The following AGFG1 variants were observed in gnomAD, a reference collection of about 807,000 sequenced individuals.
The protein encoded by AGFG1 is arf-GAP domain and FG repeat-containing protein 1.
A neutral mutation model predicts 60.6 loss-of-function variants in AGFG1; 10 were observed. The ratio of observed to expected loss-of-function variants is 0.16; its 90% confidence interval spans 0.10 to 0.28. The LOEUF is 0.28. Ranked by LOEUF, AGFG1 falls within the 10% of genes least tolerant of loss-of-function variation. AGFG1 has a pLI of 1.00. For synonymous variants in AGFG1, 247 were observed against 242.9 expected (o/e 1.02, Z -0.16); for missense variants, 537 against 676.5 (o/e 0.79, Z 2.29).
chr2:227,478,684 A>T (rs1690362637), intron 1 of AGFG1, among the ~76,000 whole-genome samples: 1 of 152,206 alleles, frequency 6.6e-6, no homozygotes, highest in Non-Finnish European at 1.5e-5. Flanking sequence ...TTGCTGGCAC[A>T]TAAGGCTTTG....
At chr2:227,542,479 T>C (rs1231818733) in intron 10 of AGFG1, among the ~76,000 whole-genome samples, 2 of 152,232 alleles carry the variant, frequency 1.3e-5, no homozygotes, top group Non-Finnish European at 2.9e-5. Flanking sequence ...TTGCATATGT[T>C]GAACCAGCCT....
intron 1 of AGFG1, among the ~76,000 whole-genome samples, chr2:227,484,688 G>GTTTTGTTTT (rs1690570362): frequency 4.0e-5 from 1 of 25,092 alleles, no homozygotes; most frequent in African/African-American, 1.1e-4. Flanking sequence ...TTTTTTTTTT[G>GTTTTGTTTT]TTTTTTTTTT....
Position 227,524,922 on chromosome 2 carries a change from G to A in AGFG1, c.694+7G>A, listed in dbSNP as rs1559187114. ...CATTTCAACAGTCATGCAGGTAAGT[G>A]TTTTTTCCCAACAGCTTTTGCTGGG... On this transcript the variant is annotated splice_region_variant and intron_variant, in intron 5 of 12. Coordinates refer to ENST00000310078, the MANE Select transcript of AGFG1 (RefSeq NM_004504.5). 1.2e-6 allele frequency: 2 copies of A among 1,613,492 alleles called. No homozygotes were observed. The highest frequency in any genetic ancestry group is 2.2e-5 in the East Asian group (1 of 44,872).
At chr2:227,548,903 C>T (rs1692733489) in intron 10 of AGFG1, among the ~76,000 whole-genome samples, 2 of 152,118 alleles carry the variant, frequency 1.3e-5, no homozygotes, top group South Asian at 4.1e-4. Context: ...CACCACTGCA[C>T]TCCATCCTGG....
At chr2:227,513,197 G>T (rs4246647) in intron 2 of AGFG1, among the ~76,000 whole-genome samples, 90,883 of 151,888 alleles carry the variant, frequency 0.6, 27,246 homozygotes, top group South Asian at 0.7. Context: ...CCTATTTTTG[G>T]TATTCATAAC....
intron 1 of AGFG1, among the ~76,000 whole-genome samples, chr2:227,472,926 T>C (rs1168166398): frequency 7.1e-6 from 1 of 141,346 alleles, no homozygotes; most frequent in African/African-American, 2.6e-5. Context: ...GCCGCCGCCC[T>C]CGCTCTCCAG....
At chr2:227,497,662 A>G (rs1344624238) in intron 2 of AGFG1, among the ~76,000 whole-genome samples, 1 of 150,734 alleles carries the variant, frequency 6.6e-6, no homozygotes, top group African/African-American at 2.4e-5. Flanking sequence ...ATAATCTTGC[A>G]TACGTCTTAA....
chr2:227,498,317 A>G (rs1038147908), intron 2 of AGFG1, among the ~76,000 whole-genome samples: 6 of 152,320 alleles, frequency 3.9e-5, no homozygotes, highest in Admixed American at 6.5e-5. Flanking sequence ...TTCAGTCAGT[A>G]TGATGGTATT....
chr2:227,550,126 A>G (rs995509556), intron 10 of AGFG1: 1 of 436,050 alleles, frequency 2.3e-6, no homozygotes, highest in Non-Finnish European at 4.7e-6. Flanking sequence ...CACAATTAAT[A>G]TCTAGATTTG....
rs146333019 is a variant in AGFG1, at chr2:227,524,855, G to C, written c.634G>C (p.Ala212Pro). Residue 212 changes from alanine to proline, a missense_variant, in exon 5 of 13, where the codon GCT (alanine) becomes CCT (proline). By Grantham distance (27) the Ala-to-Pro change is conservative. Transcript: ENST00000310078. ...CGGCTCAGACATCTTTGCTGCTCCA[G>C]CTCCTCAGTCAACAGCTACAGCCAA... ...DLGSDIFAAP[A>P]PQSTATANFA... 2.5e-5 allele frequency: 41 copies of C among 1,614,158 alleles called. No individual in the cohort carries two copies. The East Asian group carries it at 8.2e-4, about 32-fold the overall frequency.
intron 1 of AGFG1, among the ~76,000 whole-genome samples, chr2:227,484,145 T>C (rs1690549930): frequency 6.6e-6 from 1 of 152,192 alleles, no homozygotes; most frequent in South Asian, 2.1e-4. Flanking sequence ...TTTAATCTTC[T>C]GTTAATACAA....
intron 1 of AGFG1, among the ~76,000 whole-genome samples, chr2:227,482,131 C>T (rs1319263245): frequency 6.6e-6 from 1 of 152,098 alleles, no homozygotes; most frequent in Non-Finnish European, 1.5e-5. Flanking sequence ...TCCCAAAGTG[C>T]TGAGATTACA....
Position 227,524,783 on chromosome 2 carries a change from C to G in AGFG1, c.562C>G (p.Gln188Glu). The change falls in exon 5 of 13, where the codon CAA becomes GAA. Residue 188 changes from glutamine to glutamate, a missense_variant. Gln to Glu is a conservative substitution (Grantham distance 29). Coordinates refer to ENST00000310078, the MANE Select transcript of AGFG1 (RefSeq NM_004504.5). ...GTAGTCCCCAGTTGTAGGTCGTTCT[C>G]AAGGGCAGCAGCAGGAGAAGAAGCA... is the stretch of plus-strand genomic sequence containing the variant. ...PSQSPVVGRS[Q>E]GQQQEKKQFD... The G allele has an allele frequency of 2.5e-6, 4 of 1,614,132 alleles. No individual in the cohort carries two copies. Among genetic ancestry groups the G allele is most frequent in the Non-Finnish European group, 3.4e-6 (4 of 1,179,988 alleles).
intron 5 of AGFG1, 57 bp downstream of exon 5, chr2:227,524,972 A>T (rs936721998): frequency 1.1e-5 from 17 of 1,584,174 alleles, no homozygotes; most frequent in Non-Finnish European, 1.5e-5. Context: ...ACCAAGAAAC[A>T]TCAATTCTTT....
chr2:227,492,584 C>A (rs1261938197), intron 2 of AGFG1, among the ~76,000 whole-genome samples: 2 of 152,000 alleles, frequency 1.3e-5, no homozygotes, highest in Non-Finnish European at 2.9e-5. Flanking sequence ...GAAAGTAATA[C>A]CTTAAAATTG....
chr2:227,534,837 G>C lies in AGFG1; in HGVS notation c.1025-8G>C. The C allele has an allele frequency of 6.2e-7, 1 of 1,609,108 alleles. No homozygotes were observed. Among genetic ancestry groups the C allele is most frequent in the Non-Finnish European group, 8.5e-7 (1 of 1,177,612 alleles). On this transcript the variant is annotated splice_region_variant and splice_polypyrimidine_tract_variant and intron_variant, in intron 7 of 12. Transcript: ENST00000310078. ...TTTTTGGTGTAACTTGATTTTGTTC[G>C]TTCCCAGGTGGTGATCAGGGAAGTG... is the stretch of plus-strand genomic sequence containing the variant.
intron 2 of AGFG1, among the ~76,000 whole-genome samples, chr2:227,497,742 T>TG (rs1691025204): frequency 8.3e-6 from 1 of 120,070 alleles, no homozygotes; most frequent in Non-Finnish European, 1.7e-5. Context: ...TTTGTTTTTT[T>TG]TTTTTTTTTT....
chr2:227,544,397 G>C (rs1188041493), intron 10 of AGFG1, among the ~76,000 whole-genome samples: 2 of 151,914 alleles, frequency 1.3e-5, no homozygotes, highest in Admixed American at 6.6e-5. Flanking sequence ...CTCGTCATCT[G>C]CCTGTCTTGG....
chr2:227,541,336 C>T (rs962954407), intron 10 of AGFG1, among the ~76,000 whole-genome samples: 21 of 152,192 alleles, frequency 1.4e-4, no homozygotes, highest in African/African-American at 5.1e-4. Context: ...AGGTCTAACA[C>T]TTAAGTCTTT....
Sources: allele counts gnomAD v4.1 joint callset (sites outside exome capture counted in the v4.1 genomes callset), GRCh38; gene constraint gnomAD v4.1.1; transcripts MANE v1.5; gene names NCBI Gene and HGNC (gene_info 2026-07-23, HGNC 2026-07-21).